Variants in DHX8 observed in about 807,000 individuals in gnomAD.
The protein encoded by DHX8 is DEAH-box helicase 8.
Under a neutral mutation model 140.7 loss-of-function variants are expected in DHX8, and 67 were observed. That is an observed-to-expected ratio of 0.48 (90% CI 0.39 to 0.58). The LOEUF is 0.58. DHX8 is among the 20% of genes least tolerant of loss of function. The pLI is 0.00. For synonymous variants in DHX8, 533 were observed against 553.2 expected (o/e 0.96, Z 0.51); for missense variants, 887 against 1,550.7 (o/e 0.57, Z 7.19).
Position 43,492,869 on chromosome 17 carries a change from C to A in DHX8, c.692C>A (p.Pro231His). 1 of 1,614,096 alleles carries A rather than the reference C, an allele frequency of 6.2e-7. No homozygotes were observed. Among genetic ancestry groups the A allele is most frequent in the Non-Finnish European group, 8.5e-7 (1 of 1,180,016 alleles). Residue 231 changes from proline (P) to histidine (H), a missense_variant, in exon 6 of 23, where the codon CCC (proline) becomes CAC (histidine). Physicochemically the swap from Pro to His is moderately conservative, Grantham distance 77. Transcript: ENST00000262415. ...RYRSRSRSQS[P>H]PKDRKDRDKY... ...CGGTCCAGGAGCAGGAGTCAGAGTC[C>A]CCCCAAAGACCGGAAGGACCGGGAC...
intron 2 of DHX8, chr17:43,532,564 T>G: frequency 2.1e-6 from 2 of 954,472 alleles, no homozygotes; most frequent in Non-Finnish European, 3.1e-6. Context: ...AGTGGGTGGG[T>G]GGGTTGGATG....
intron 1 of DHX8, among the ~76,000 whole-genome samples, chr17:43,487,510 C>A (rs779952658): frequency 1.3e-5 from 2 of 152,186 alleles, no homozygotes; most frequent in Non-Finnish European, 2.9e-5. Flanking sequence ...CATACCACCA[C>A]CCCCGGCTGA....
At chr17:43,498,118 C>T (rs562590586) in intron 9 of DHX8, among the ~76,000 whole-genome samples, 2 of 150,662 alleles carry the variant, frequency 1.3e-5, no homozygotes, top group Non-Finnish European at 3.0e-5. Context: ...ACTTGCATTG[C>T]TGTCCTTTGA....
chr17:43,501,280 G>A (rs1969180626), intron 11 of DHX8, among the ~76,000 whole-genome samples: 1 of 152,096 alleles, frequency 6.6e-6, no homozygotes, highest in Admixed American at 6.6e-5. Flanking sequence ...TGGGGAGTAT[G>A]TTCCAGCCTG....
Position 43,524,843 on chromosome 17 carries a change from C to A in DHX8, c.*996C>A, listed in dbSNP as rs774866240. The A allele has an allele frequency of 2.1e-3, 2,075 of 985,308 alleles. 3 individuals are homozygous for A. Among genetic ancestry groups the A allele is most frequent in the Non-Finnish European group, 2.3e-3 (1,936 of 829,940 alleles). 61.0% of individuals were successfully genotyped at this position (985,308 alleles called of 1,614,324 possible). ...ACAAACATAACACCTCTCCTCTCAG[C>A]TGGTTTGTGCTGCCAGTATCTGTGC... is the stretch of plus-strand genomic sequence containing the variant. On this transcript the variant is annotated 3_prime_UTR_variant, in exon 23 of 23. Transcript: ENST00000262415.
chr17:43,512,694 C>T (rs758481791), intron 16 of DHX8, among the ~76,000 whole-genome samples: 10 of 152,138 alleles, frequency 6.6e-5, no homozygotes, highest in Non-Finnish European at 1.2e-4. Flanking sequence ...TGGCATGATG[C>T]GTGATATTCC....
chr17:43,500,470 G>A (rs981274549), intron 11 of DHX8, among the ~76,000 whole-genome samples: 1 of 151,602 alleles, frequency 6.6e-6, no homozygotes, highest in Admixed American at 6.6e-5. Context: ...CTGGGTGATA[G>A]AATGACACTC....
intron 1 of DHX8, among the ~76,000 whole-genome samples, chr17:43,487,196 C>T (rs777628477): frequency 8.5e-5 from 13 of 152,146 alleles, no homozygotes; most frequent in South Asian, 2.1e-4. Context: ...GTGCCTGGCA[C>T]GTAGTAATGT....
At chr17:43,505,962 C>T (rs1446972563) in intron 12 of DHX8, among the ~76,000 whole-genome samples, 2 of 151,942 alleles carry the variant, frequency 1.3e-5, no homozygotes, top group Non-Finnish European at 2.9e-5. Context: ...ATACACTGTT[C>T]TACATCTTTT....
intron 1 of DHX8, 96 bp from the exon 2 acceptor site, chr17:43,489,353 A>T: frequency 1.2e-6 from 1 of 816,336 alleles, no homozygotes; most frequent in Non-Finnish European, 2.0e-6. Context: ...GTTTTTTATT[A>T]CTGTTGGATA....
Position 43,484,620 on chromosome 17 carries a change from T to C in DHX8, c.148+435T>C, listed in dbSNP as rs545927535. ...GACATAGTAGTTAGCGTCTGTGCTT[T>C]TAACTGTGTTCTTTGACCGTTCATC... On this transcript the variant is annotated intron_variant, in intron 1 of 22. Coordinates refer to ENST00000262415, the MANE Select transcript of DHX8 (RefSeq NM_004941.3). Among the ~76,000 whole-genome samples, 10 of 152,296 alleles carry C rather than the reference T, an allele frequency of 6.6e-5. No individual in the cohort carries two copies. In the South Asian group the frequency reaches 1.9e-3, roughly 28 times the overall value.
rs71160045 is a variant in DHX8 at position 43,511,456 on chromosome 17, A to ATTTT, written c.2503-1890_2503-1887dup. ...AGTGGCTTATGCCTGTGATCCCAGC[A>ATTTT]TTTTTTTTTTTTTTTTTTTGAGACA... is the stretch of plus-strand genomic sequence containing the variant. On this transcript the variant is annotated intron_variant, in intron 16 of 22. Transcript: ENST00000262415. Among the ~76,000 whole-genome samples the ATTTT allele has an allele frequency of 5.5e-4, 31 of 56,788 alleles. 8 individuals carry two copies. Among genetic ancestry groups the ATTTT allele is most frequent in the African/African-American group, 2.0e-3 (26 of 12,940 alleles). The allele number at this position is 56,788 out of a possible 152,430, so 37.3% of individuals were successfully genotyped here. A position where few individuals can be genotyped will look rare whatever the true frequency, so the allele number is the denominator to read the frequency against.
At chr17:43,499,513 T>C (rs1205351725) in intron 10 of DHX8, among the ~76,000 whole-genome samples, 3 of 152,202 alleles carry the variant, frequency 2.0e-5, no homozygotes, top group Non-Finnish European at 4.4e-5. Flanking sequence ...TGCATGACAT[T>C]GTTAGTGACA....
At chr17:43,533,029 C>T in intron 2 of DHX8, 1 of 1,510,082 alleles carries the variant, frequency 6.6e-7, no homozygotes, top group Non-Finnish European at 8.9e-7. Context: ...AGAGTGGGCT[C>T]CGGAATGGGG....
chr17:43,529,482 T>C, downstream of DHX8: 2 of 1,593,986 alleles, frequency 1.3e-6, no homozygotes, highest in African/African-American at 1.3e-5. Context: ...AAAGGAGGGC[T>C]GGGAACATCC....
At chr17:43,506,968 T>C (rs1380071414) in intron 12 of DHX8, 35 bp from the exon 13 acceptor site, 2 of 1,500,304 alleles carry the variant, frequency 1.3e-6, no homozygotes, top group Non-Finnish European at 1.8e-6. Flanking sequence ...TTCTGGCAGA[T>C]TTTAATGACC....
In DHX8 at chr17:43,540,900, G is replaced by T. The variant is rs146806393; in HGVS notation, c.*21-3262G>T. On this transcript the variant is annotated intron_variant, in intron 3 of 3. Transcript: ENST00000589898. Reference sequence around the variant, plus strand: ...GGTGCAGAACTCAGGGGTGGCTGACGCATTCCGGCCCCACCCCTGGGGCCT... The same window carrying T: ...GGTGCAGAACTCAGGGGTGGCTGACTCATTCCGGCCCCACCCCTGGGGCCT... Among the ~76,000 whole-genome samples, 97 of 152,144 alleles carry T rather than the reference G, an allele frequency of 6.4e-4. 3 individuals are homozygous for T. Among genetic ancestry groups the T allele is most frequent in the African/African-American group, 2.1e-3 (89 of 41,516 alleles).
chr17:43,520,686 T>TG, intron 19 of DHX8, 65 bp from the exon 20 acceptor site: 1 of 1,607,132 alleles, frequency 6.2e-7, no homozygotes, highest in Non-Finnish European at 8.5e-7. Flanking sequence ...ACCAAGGTCT[T>TG]GCTCTGGTGA....
At chr17:43,523,605 G>A (rs1177461333) in intron 22 of DHX8, 23 bp from the exon 23 acceptor site, 16 of 1,613,404 alleles carry the variant, frequency 9.9e-6, no homozygotes, top group Non-Finnish European at 1.4e-5. Flanking sequence ...AGAGGCTTGA[G>A]TACTATCTCT....
Sources: allele counts gnomAD v4.1 joint callset (sites outside exome capture counted in the v4.1 genomes callset), GRCh38; gene constraint gnomAD v4.1.1; transcripts MANE v1.5; gene names NCBI Gene and HGNC (gene_info 2026-07-23, HGNC 2026-07-21).